HERC4: variants seen among roughly 807,000 people sequenced by gnomAD.
HERC4 encodes the protein HECT and RLD domain containing E3 ubiquitin protein ligase 4.
In HERC4, 28 loss-of-function variants were observed where a neutral mutation model predicts 124.3. The observed-to-expected ratio is 0.23, with a 90% CI of 0.17 to 0.31. HERC4 has a LOEUF of 0.31. Ranked by LOEUF, HERC4 falls within the 10% of genes least tolerant of loss-of-function variation. The pLI is 1.00. For synonymous variants in HERC4, 407 were observed against 421.5 expected (o/e 0.97, Z 0.42); for missense variants, 713 against 1,229.3 (o/e 0.58, Z 6.28).
At chr10:68,034,690 G>A (rs2039367745) in intron 5 of HERC4, among the ~76,000 whole-genome samples, 1 of 152,092 alleles carries the variant, frequency 6.6e-6, no homozygotes, top group Non-Finnish European at 1.5e-5. Flanking sequence ...GGATGCCCCA[G>A]ACTGAATTCA....
At position 67,968,655 on chromosome 10, in the gene HERC4, G is replaced by C. The variant is rs186335230; in HGVS notation, c.1807-1853C>G. 4.2e-3 allele frequency among the ~76,000 whole-genome samples: 646 copies of C among 152,188 alleles called. 3 individuals are homozygous for C. The highest frequency in any genetic ancestry group is 4.4e-3 in the Non-Finnish European group (302 of 68,002). On this transcript the variant is annotated intron_variant, in intron 15 of 24. Coordinates refer to ENST00000373700, the MANE Select transcript of HERC4 (RefSeq NM_015601.4). ...CTCCCAAAGTGCTGGGATTACAGGT[G>C]TGAGCCACCGCGCCTGGCCAGAGAG...
At chr10:67,937,292 G>A (rs1442003352) in intron 21 of HERC4, among the ~76,000 whole-genome samples, 1 of 151,892 alleles carries the variant, frequency 6.6e-6, no homozygotes, top group Non-Finnish European at 1.5e-5. Flanking sequence ...TGAAAGGAGA[G>A]GGCCAGTTTA....
chr10:68,023,331 T>C (rs1250456138), intron 8 of HERC4, among the ~76,000 whole-genome samples: 1 of 152,164 alleles, frequency 6.6e-6, no homozygotes, highest in Non-Finnish European at 1.5e-5. Flanking sequence ...AAAATTAGCA[T>C]ATACACACAA....
chr10:67,996,081 G>A, intron 9 of HERC4: 1 of 430,230 alleles, frequency 2.3e-6, no homozygotes, highest in Non-Finnish European at 4.6e-6. Flanking sequence ...CAAGGTAGGA[G>A]GATCACTTGA....
chr10:67,996,302 C>T (rs2036876133), intron 9 of HERC4, among the ~76,000 whole-genome samples: 1 of 61,202 alleles, frequency 1.6e-5, no homozygotes, highest in Non-Finnish European at 3.4e-5. Flanking sequence ...ATTTTGAAGA[C>T]CTTGAAATAG....
At chr10:68,036,170 T>TA (rs2133389482) in intron 5 of HERC4, among the ~76,000 whole-genome samples, 1 of 151,524 alleles carries the variant, frequency 6.6e-6, no homozygotes, top group East Asian at 1.9e-4. Flanking sequence ...CGCAAAAAAT[T>TA]AGCCAGGCCT....
chr10:68,070,123 C>A (rs1180077713), intron 3 of HERC4: 1 of 984,980 alleles, frequency 1.0e-6, no homozygotes, highest in Non-Finnish European at 1.2e-6. Context: ...AGAAATATAA[C>A]CAACTTGCTC....
chr10:68,031,373 C>T (rs1027090904), intron 7 of HERC4, among the ~76,000 whole-genome samples: 14 of 151,884 alleles, frequency 9.2e-5, no homozygotes, highest in Admixed American at 5.9e-4. Context: ...ATACCAATAA[C>T]GAAAAAGGAC....
chr10:68,025,455 C>CA (rs1485319393), intron 8 of HERC4, 91 bp downstream of exon 8: 49 of 1,402,184 alleles, frequency 3.5e-5, no homozygotes, highest in Non-Finnish European at 4.7e-5. Flanking sequence ...TGTGTTTCCT[C>CA]AGATTATTAG....
At chr10:67,986,658 T>C (rs2036278204) in intron 15 of HERC4, among the ~76,000 whole-genome samples, 1 of 152,106 alleles carries the variant, frequency 6.6e-6, no homozygotes, top group African/African-American at 2.4e-5. Context: ...GCCCAGCCCA[T>C]ACTGTATAAT....
intron 4 of HERC4, among the ~76,000 whole-genome samples, chr10:68,041,760 A>C (rs1419026128): frequency 6.6e-6 from 1 of 152,216 alleles, no homozygotes; most frequent in Non-Finnish European, 1.5e-5. Flanking sequence ...AAAATGGTGT[A>C]ATATATATTC....
Position 68,073,170 on chromosome 10 carries a change from T to C in HERC4, c.-62A>G, listed in dbSNP as rs1316817588. ...AATTCTCTTCTGAAACCCCGGAAAG[T>C]TGGAGGTACCCTATGTCTGAGGAAA... On this transcript the variant is annotated 5_prime_UTR_variant, in exon 3 of 25. Coordinates refer to ENST00000373700, the MANE Select transcript of HERC4 (RefSeq NM_015601.4). 2.3e-6 allele frequency: 3 copies of C among 1,323,894 alleles called. No individual in the cohort carries two copies. The highest frequency in any genetic ancestry group is 2.9e-5 in the African/African-American group (2 of 68,088). 82.0% of individuals were successfully genotyped at this position (1,323,894 alleles called of 1,614,324 possible).
At chr10:67,934,841 G>T (rs1167408073) in intron 22 of HERC4, among the ~76,000 whole-genome samples, 1 of 149,872 alleles carries the variant, frequency 6.7e-6, no homozygotes, top group South Asian at 2.1e-4. Flanking sequence ...TCTTGTCTTG[G>T]TATTGATCTT....
chr10:67,957,688 A>G (rs990382670), intron 16 of HERC4, among the ~76,000 whole-genome samples: 1 of 152,162 alleles, frequency 6.6e-6, no homozygotes, highest in Non-Finnish European at 1.5e-5. Flanking sequence ...CTACCCAGTA[A>G]AACAATATCT....
chr10:67,968,279 T>C (rs564671969), intron 15 of HERC4, among the ~76,000 whole-genome samples: 1 of 152,084 alleles, frequency 6.6e-6, no homozygotes, highest in Admixed American at 6.6e-5. Flanking sequence ...AAACCATGAA[T>C]GCACAAGGCA....
rs181088461 is a variant in HERC4 at position 67,978,190 on chromosome 10, C to T, written c.1806+10473G>A. ...ACTCAGGAGGCTGAGACAGGAGAAT[C>T]GCTTGAACCCAGGAGATGGAGGAGC... On this transcript the variant is annotated intron_variant, in intron 15 of 24. Transcript: ENST00000373700. 3.9e-5 allele frequency among the ~76,000 whole-genome samples: 6 copies of T among 152,236 alleles called. No homozygotes were observed. In the East Asian group the frequency reaches 9.7e-4, roughly 25 times the overall value.
intron 9 of HERC4, among the ~76,000 whole-genome samples, chr10:68,006,383 T>G (rs1007347008): frequency 5.9e-5 from 9 of 151,426 alleles, no homozygotes; most frequent in Non-Finnish European, 1.2e-4. Flanking sequence ...TTGTTTTTTT[T>G]TTTTTTTTGA....
At chr10:67,941,395 G>A (rs1483944548) in intron 19 of HERC4, among the ~76,000 whole-genome samples, 1 of 151,830 alleles carries the variant, frequency 6.6e-6, no homozygotes, top group Non-Finnish European at 1.5e-5. Flanking sequence ...CATGTCATTC[G>A]ACATTAAGTT....
chr10:68,073,894 T>C (rs2041684743), intron 1 of HERC4: 1 of 149,458 alleles, frequency 6.7e-6, no homozygotes. Flanking sequence ...TGTGCATAAT[T>C]ATAATACAGA....
Sources: gnomAD v4.1 joint callset for allele counts (sites outside exome capture counted in the v4.1 genomes callset) on GRCh38, gnomAD v4.1.1 for gene constraint, MANE v1.5 for transcripts, NCBI Gene and HGNC (gene_info 2026-07-23, HGNC 2026-07-21) for gene names.